FBXO21: variants seen among roughly 807,000 people sequenced by gnomAD.
FBXO21 encodes the protein F-box only protein 21.
FBXO21 carries 32 observed loss-of-function variants against 76.6 expected under a neutral mutation model. The observed-to-expected ratio is 0.42, with a 90% CI of 0.32 to 0.56. The LOEUF (loss-of-function observed/expected upper bound fraction) is 0.56. Among genes scored for constraint, FBXO21 ranks in the 20% least tolerant of loss-of-function variants. The pLI is 0.16. For missense variants in FBXO21, 586 were observed against 797.3 expected, an observed-to-expected ratio of 0.73 and a Z score of 3.19; for synonymous variants, 328 against 311.5, an observed-to-expected ratio of 1.05 and a Z score of -0.56.
At position 117,174,264 on chromosome 12, in the gene FBXO21, G is replaced by C. The variant is rs1257366570; in HGVS notation, c.817C>G (p.Leu273Val). ...DAMNYVLYDQ[L>V]KFKGNRMDYY... ...TCCATTCGATTCCCCTTGAACTTCA[G>C]TTGGTCGTAAAGGACATAGTTCATG... is the stretch of plus-strand genomic sequence containing the variant. The change falls in exon 6 of 12, where the codon CTG (leucine) becomes GTG (valine). Residue 273 changes from leucine to valine, a missense_variant. Leu to Val is a conservative substitution (Grantham distance 32). Transcript: ENST00000622495. The C allele has an allele frequency of 6.2e-7, 1 of 1,613,612 alleles. No individual in the cohort carries two copies. The highest frequency in any genetic ancestry group is 1.1e-5 in the South Asian group (1 of 91,066).
intron 3 of FBXO21, among the ~76,000 whole-genome samples, chr12:117,178,163 C>T (rs1473717242): frequency 6.6e-6 from 1 of 152,140 alleles, no homozygotes; most frequent in Non-Finnish European, 1.5e-5. Context: ...CTCCCAGAGT[C>T]ACCCTCATCT....
chr12:117,180,806 T>C (rs1224738745), intron 3 of FBXO21, among the ~76,000 whole-genome samples: 1 of 151,916 alleles, frequency 6.6e-6, no homozygotes, highest in African/African-American at 2.4e-5. Context: ...TTTTTTTTTA[T>C]GTATTTTTAG....
chr12:117,149,878 A>G (rs1332424270), intron 11 of FBXO21, among the ~76,000 whole-genome samples: 2 of 152,202 alleles, frequency 1.3e-5, no homozygotes, highest in Non-Finnish European at 2.9e-5. Flanking sequence ...CCCAACAGCT[A>G]CTACACAGAA....
intron 9 of FBXO21, among the ~76,000 whole-genome samples, chr12:117,163,311 T>C (rs1956007042): frequency 6.7e-6 from 1 of 149,484 alleles, no homozygotes; most frequent in African/African-American, 2.5e-5. Context: ...GGCAGGTGGA[T>C]CACTTGAGGT....
In FBXO21 at chr12:117,143,686, T is replaced by G. The variant is rs1306410218; in HGVS notation, c.*2401A>C. The G allele has an allele frequency of 6.6e-6, 1 of 152,618 alleles. No individual in the cohort carries two copies. Among genetic ancestry groups the G allele is most frequent in the Non-Finnish European group, 1.5e-5 (1 of 68,038 alleles). The allele number at this position is 152,618 out of a possible 1,614,324, so 9.5% of individuals were successfully genotyped here. A position where few individuals can be genotyped will look rare whatever the true frequency, so the allele number is the denominator to read the frequency against. The stretch of plus-strand genomic sequence containing the variant: ...TCAGAAAAATTCAGCAGAACATACT[T>G]TTCATATTTAGATCCGAAGAGAGGT... On this transcript the variant is annotated 3_prime_UTR_variant, in exon 12 of 12. Transcript: ENST00000622495.
intron 9 of FBXO21, among the ~76,000 whole-genome samples, chr12:117,164,623 T>G (rs1314871461): frequency 6.6e-6 from 1 of 152,206 alleles, no homozygotes; most frequent in Non-Finnish European, 1.5e-5. Context: ...TACTGATGCA[T>G]CATTTCTTAG....
intron 11 of FBXO21, among the ~76,000 whole-genome samples, chr12:117,147,750 G>A (rs1240197075): frequency 1.3e-5 from 2 of 152,166 alleles, no homozygotes; most frequent in Non-Finnish European, 2.9e-5. Context: ...ACGGAGGCCT[G>A]GCCTAAGACT....
intron 10 of FBXO21, among the ~76,000 whole-genome samples, chr12:117,156,420 T>C (rs1348888874): frequency 1.3e-5 from 2 of 152,238 alleles, no homozygotes; most frequent in African/African-American, 4.8e-5. Context: ...TGTAAAAATA[T>C]GAGACAACTG....
In FBXO21 at chr12:117,190,288, T is replaced by C. The variant is rs1956333217; in HGVS notation, c.169A>G (p.Ser57Gly). ...AGCTCGCGCAGCCGCCGGCAGGTGC[T>C]GGAGACACGGCCGATGTCGGCGGCC... is the stretch of plus-strand genomic sequence containing the variant. The part of the protein sequence containing the change: ...LTAADIGRVS[S>G]TCRRLRELCQ... The change falls in exon 1 of 12, where the codon AGC becomes GGC. Residue 57 changes from serine (S) to glycine (G), a missense_variant. By Grantham distance (56) the Ser-to-Gly change is moderately conservative (BLOSUM62 0). Transcript: ENST00000622495. 3 of 1,539,622 alleles carry C rather than the reference T, an allele frequency of 1.9e-6. No homozygotes were observed. The highest frequency in any genetic ancestry group is 2.9e-5 in the African/African-American group (2 of 70,012).
chr12:117,149,862 A>G (rs993183970), intron 11 of FBXO21, among the ~76,000 whole-genome samples: 3 of 152,220 alleles, frequency 2.0e-5, no homozygotes, highest in African/African-American at 7.2e-5. Flanking sequence ...TGCCAGGGCA[A>G]CAGGACCCAA....
intron 7 of FBXO21, among the ~76,000 whole-genome samples, chr12:117,171,165 A>G (rs1956114400): frequency 2.0e-5 from 3 of 151,962 alleles, no homozygotes; most frequent in Admixed American, 2.0e-4. Flanking sequence ...GGCGTTCAAG[A>G]CTAGCCTGGG....
intron 7 of FBXO21, among the ~76,000 whole-genome samples, chr12:117,169,447 C>T (rs1470912675): frequency 1.3e-5 from 2 of 151,918 alleles, no homozygotes; most frequent in African/African-American, 2.4e-5. Flanking sequence ...TGCACATGTA[C>T]ACCTGAACTT....
At chr12:117,168,196 G>A (rs1397633520) in intron 7 of FBXO21, among the ~76,000 whole-genome samples, 4 of 152,126 alleles carry the variant, frequency 2.6e-5, no homozygotes, top group African/African-American at 9.7e-5. Context: ...AAGTCCAGTC[G>A]AATTTCTTCC....
At position 117,158,058 on chromosome 12, in the gene FBXO21, A is replaced by G; in HGVS notation, c.1332T>C (p.Leu444=). ...GGGTTTGGATGTGCTGGAGGATGTCAAGCACCTTCAAAACAAGACAGAAAG... is the reference window on the plus strand; with the variant it reads ...GGGTTTGGATGTGCTGGAGGATGTCGAGCACCTTCAAAACAAGACAGAAAG... ...FHLGIWPEKV[L]DILQHIQTLD... Residue 444 remains leucine, a synonymous_variant, in exon 10 of 12, where the codon CTT becomes CTC. Transcript: ENST00000622495. The G allele has an allele frequency of 6.2e-7, 1 of 1,614,098 alleles. No individual in the cohort carries two copies. The highest frequency in any genetic ancestry group is 8.5e-7 in the Non-Finnish European group (1 of 1,179,996).
chr12:117,165,645 C>T (rs1956045819), intron 8 of FBXO21, 28 bp from the exon 9 acceptor site: 1 of 1,543,864 alleles, frequency 6.5e-7, no homozygotes, highest in Non-Finnish European at 8.8e-7. Context: ...ATGTTTGTCT[C>T]ATCCTGCTTG....
At chr12:117,157,796 G>C in intron 10 of FBXO21, 77 bp downstream of exon 10, 1 of 1,307,534 alleles carries the variant, frequency 7.6e-7, no homozygotes, top group African/African-American at 1.5e-5. Flanking sequence ...TGTGTCCTGG[G>C]GGCTCACCAG....
At position 117,146,157 on chromosome 12, in the gene FBXO21, T is replaced by G. The variant is rs747014658; in HGVS notation, c.1796A>C (p.Glu599Ala). ...PNAELEIRYPEDLEFVYETVQ... is the reference protein window; with the variant it reads ...PNAELEIRYPADLEFVYETVQ... ...CGTTTCATAGACAAACTCCAGATCTTCTGGATACCGGATCTCCAGCTCTGC... is the reference window on the plus strand; with the variant it reads ...CGTTTCATAGACAAACTCCAGATCTGCTGGATACCGGATCTCCAGCTCTGC... The change falls in exon 12 of 12, where the codon GAA becomes GCA. Residue 599 changes from glutamate to alanine, a missense_variant. Coordinates refer to ENST00000622495, the MANE Select transcript of FBXO21 (RefSeq NM_015002.3). The G allele has an allele frequency of 6.2e-7, 1 of 1,613,998 alleles. No homozygotes were observed. The highest frequency in any genetic ancestry group is 8.5e-7 in the Non-Finnish European group (1 of 1,179,956).
chr12:117,165,551 C>T lies in FBXO21; in HGVS notation c.1260G>A (p.Pro420=), dbSNP rs763878747. The T allele has an allele frequency of 2.5e-5, 41 of 1,613,936 alleles. No individual in the cohort carries two copies. The highest frequency in any genetic ancestry group is 1.7e-4 in the Middle Eastern group (1 of 6,042). ...DSLDLYLAMY[P]DQVQLLLLQA... is the part of the protein sequence containing the mutation. ...GGAGGAGGAGAAGCTGCACCTGGTC[C>T]GGGTACATTGCCAGATAGAGATCCA... is the stretch of plus-strand genomic sequence containing the variant. The change falls in exon 9 of 12, where the codon CCG becomes CCA. Residue 420 remains proline (P), a synonymous_variant. Transcript: ENST00000622495.
At chr12:117,165,792 C>T (rs1242568924) in intron 8 of FBXO21, among the ~76,000 whole-genome samples, 175 bp from the exon 9 acceptor site, 2 of 152,108 alleles carry the variant, frequency 1.3e-5, no homozygotes, top group Non-Finnish European at 2.9e-5. Flanking sequence ...AAAAAATACA[C>T]AATAAATATA....
Sources: gnomAD v4.1 joint callset for allele counts (sites outside exome capture counted in the v4.1 genomes callset) on GRCh38, gnomAD v4.1.1 for gene constraint, MANE v1.5 for transcripts, NCBI Gene and HGNC (gene_info 2026-07-23, HGNC 2026-07-21) for gene names.